The following DSTN variants were observed in gnomAD, a reference collection of about 807,000 sequenced individuals.
DSTN encodes destrin.
A neutral mutation model predicts 16.8 loss-of-function variants in DSTN; 10 were observed. That is an observed-to-expected ratio of 0.60 (90% confidence interval 0.37 to 1.01). The LOEUF is 1.01. Among genes scored for constraint, DSTN ranks in the 50% least tolerant of loss-of-function variants. The pLI, the probability that DSTN is intolerant of heterozygous loss-of-function variation, is 0.01. For missense variants in DSTN, 141 were observed against 196.7 expected (o/e 0.72, Z 1.69); for synonymous variants, 57 against 58.9 (o/e 0.97, Z 0.14).
intron 1 of DSTN, among the ~76,000 whole-genome samples, chr20:17,588,010 G>A (rs1165400032): frequency 6.6e-6 from 1 of 152,190 alleles, no homozygotes. Flanking sequence ...CACGAGACCA[G>A]TACATAATGT....
Position 17,570,181 on chromosome 20 carries a change from C to G in DSTN, c.-28C>G, listed in dbSNP as rs2035180520. On this transcript the variant is annotated 5_prime_UTR_variant, in exon 1 of 4. Transcript: ENST00000246069. ...ACTCGCTGCCCGCCGGCTCCCTCCC[C>G]CGCGTCCCTGCGACCGCCGCGGCGA... 2 of 1,519,750 alleles carry G rather than the reference C, an allele frequency of 1.3e-6. No individual in the cohort carries two copies. Among genetic ancestry groups the G allele is most frequent in the Non-Finnish European group, 1.8e-6 (2 of 1,137,542 alleles). The allele number at this position is 1,519,750 out of a possible 1,614,324, so 94.1% of individuals were successfully genotyped here.
chr20:17,600,767 A>G lies in DSTN; in HGVS notation c.33A>G (p.Val11=), dbSNP rs1201889982. 1.2e-6 allele frequency: 2 copies of G among 1,612,712 alleles called. No homozygotes were observed. The highest frequency in any genetic ancestry group is 2.7e-5 in the African/African-American group (2 of 74,944). The part of the protein sequence containing the change: MASGVQVADE[V]CRIFYDMKVR... ...CAGGAGTGCAAGTAGCTGATGAAGTATGTCGCATTTTTTATGACATGAAAG... is the reference window on the plus strand; with the variant it reads ...CAGGAGTGCAAGTAGCTGATGAAGTGTGTCGCATTTTTTATGACATGAAAG... Residue 11 remains valine, a synonymous_variant, in exon 2 of 4, where the codon GTA becomes GTG. Transcript: ENST00000246069.
Position 17,600,750 on chromosome 20 carries a change from C to G in DSTN, c.16C>G (p.Gln6Glu). Residue 6 changes from glutamine (Q) to glutamate (E), a missense_variant, in exon 2 of 4, where the codon CAA becomes GAA. Coordinates refer to ENST00000246069, the MANE Select transcript of DSTN (RefSeq NM_006870.4). ...TTTCTCATCATAGGCCTCAGGAGTG[C>G]AAGTAGCTGATGAAGTATGTCGCAT... MASGV[Q>E]VADEVCRIFY... is the part of the protein sequence containing the mutation. 6.2e-7 allele frequency: 1 copy of G among 1,609,070 alleles called. No individual in the cohort carries two copies. Among genetic ancestry groups the G allele is most frequent in the Non-Finnish European group, 8.5e-7 (1 of 1,176,812 alleles).
chr20:17,570,403 C>T (rs2035185432), intron 1 of DSTN, among the ~76,000 whole-genome samples, 192 bp downstream of exon 1: 1 of 151,660 alleles, frequency 6.6e-6, no homozygotes, highest in African/African-American at 2.4e-5. Flanking sequence ...GGCTGGGCCC[C>T]CGCGCCCCGG....
At chr20:17,595,627 A>C (rs2035518351) in intron 1 of DSTN, among the ~76,000 whole-genome samples, 1 of 152,110 alleles carries the variant, frequency 6.6e-6, no homozygotes, top group African/African-American at 2.4e-5. Context: ...CTGGAAAAAA[A>C]AAAAAAATCT....
intron 1 of DSTN, among the ~76,000 whole-genome samples, chr20:17,575,463 C>CT (rs2035268175): frequency 1.3e-5 from 2 of 150,084 alleles, no homozygotes; most frequent in African/African-American, 4.9e-5. Flanking sequence ...ATTGTGAAAG[C>CT]ATTTTTTTTT....
chr20:17,604,739 G>C (rs753880610), intron 3 of DSTN, 108 bp downstream of exon 3: 4 of 956,908 alleles, frequency 4.2e-6, no homozygotes, highest in Non-Finnish European at 6.2e-6. Context: ...TCGGGCACAA[G>C]GGAGAAGTGT....
chr20:17,574,421 G>T (rs368829044), intron 1 of DSTN, among the ~76,000 whole-genome samples: 1 of 152,146 alleles, frequency 6.6e-6, no homozygotes, highest in African/African-American at 2.4e-5. Context: ...GCCAAGGGCT[G>T]TGGAGATTAA....
chr20:17,592,028 G>T (rs78446128), intron 1 of DSTN: 37,284 of 985,378 alleles, frequency 0.038, 1,057 homozygotes, highest in East Asian at 0.13. Flanking sequence ...TTAGAAGAAG[G>T]TCAGAGCCCT....
chr20:17,577,771 T>A (rs2035295428), intron 1 of DSTN, among the ~76,000 whole-genome samples: 1 of 152,210 alleles, frequency 6.6e-6, no homozygotes, highest in Non-Finnish European at 1.5e-5. Flanking sequence ...AGTATATATT[T>A]TACACTGAAA....
intron 2 of DSTN, among the ~76,000 whole-genome samples, chr20:17,601,472 T>G (rs1466801404): frequency 6.6e-6 from 1 of 152,200 alleles, no homozygotes; most frequent in Admixed American, 6.5e-5. Context: ...TTGAAGAAAT[T>G]GGTACCATTC....
At position 17,582,802 on chromosome 20, in the gene DSTN, G is replaced by A. The variant is rs2035361161; in HGVS notation, c.3+12591G>A. ...AACTTGTGTTAGGCAATTTTTGTTG[G>A]TAGTTTTCCTGGCCTTTCTAGGCAA... On this transcript the variant is annotated intron_variant, in intron 1 of 3. Coordinates refer to ENST00000246069, the MANE Select transcript of DSTN (RefSeq NM_006870.4). Among the ~76,000 whole-genome samples, 7 of 152,244 alleles carry A rather than the reference G, an allele frequency of 4.6e-5. No individual in the cohort carries two copies. The South Asian group carries it at 1.5e-3, about 32-fold the overall frequency.
At chr20:17,590,421 G>T (rs2035457178) in intron 1 of DSTN, among the ~76,000 whole-genome samples, 1 of 152,162 alleles carries the variant, frequency 6.6e-6, no homozygotes, top group Admixed American at 6.5e-5. Context: ...GTTAAAAACT[G>T]GTAGTCAAGC....
At position 17,570,106 on chromosome 20, in the gene DSTN, C is replaced by T. The variant is rs1240883776; in HGVS notation, c.-103C>T. On this transcript the variant is annotated 5_prime_UTR_variant, in exon 1 of 4. Coordinates refer to ENST00000246069, the MANE Select transcript of DSTN (RefSeq NM_006870.4). ...GGGTAAGCTCGCGCCGCCGCGTCAG[C>T]TCAGCGCTGGGTCTCTCGGTCCCGC... 24 of 1,488,632 alleles carry T rather than the reference C, an allele frequency of 1.6e-5. No homozygotes were observed. Among genetic ancestry groups the T allele is most frequent in the Admixed American group, 2.2e-5 (1 of 46,422 alleles). The allele number at this position is 1,488,632 out of a possible 1,614,324, so 92.2% of individuals were successfully genotyped here. A position where few individuals can be genotyped will look rare whatever the true frequency, so the allele number is the denominator to read the frequency against.
At chr20:17,578,961 CAAAAAA>C (rs59600009) in intron 1 of DSTN, among the ~76,000 whole-genome samples, 5 of 81,412 alleles carry the variant, frequency 6.1e-5, no homozygotes, top group African/African-American at 2.3e-4. Context: ...AATTCCATCT[CAAAAAA>C]AAAAAAAAAA....
At position 17,573,658 on chromosome 20, in the gene DSTN, A is replaced by G. The variant is rs142263397; in HGVS notation, c.3+3447A>G. Among the ~76,000 whole-genome samples the G allele has an allele frequency of 1.3e-3, 193 of 152,256 alleles. 3 individuals carry two copies. Among genetic ancestry groups the G allele is most frequent in the African/African-American group, 4.3e-3 (180 of 41,540 alleles). On this transcript the variant is annotated intron_variant, in intron 1 of 3. Transcript: ENST00000246069. ...ATCTCATCATTAACAGCTTGTTTCT[A>G]CATTGCCTTTCACCACTTAATAAGA...
chr20:17,583,323 AG>A, intron 1 of DSTN, among the ~76,000 whole-genome samples: 1 of 46 alleles, frequency 0.022, no homozygotes, highest in East Asian at 0.25. Flanking sequence ...CGTATGACTC[AG>A]CAGTTTACTC....
chr20:17,606,094 G>A (rs1193961770), intron 3 of DSTN, among the ~76,000 whole-genome samples: 1 of 150,262 alleles, frequency 6.7e-6, no homozygotes, highest in Admixed American at 6.6e-5. Context: ...GGCAATAAGA[G>A]CAAAACTCTG....
At chr20:17,574,323 T>G in intron 1 of DSTN, among the ~76,000 whole-genome samples, 1 of 152,202 alleles carries the variant, frequency 6.6e-6, no homozygotes, top group East Asian at 1.9e-4. Context: ...AGTTCAATAC[T>G]CTCTGTTAAT....
Sources: gnomAD v4.1 joint callset for allele counts (sites outside exome capture counted in the v4.1 genomes callset) on GRCh38, gnomAD v4.1.1 for gene constraint, MANE v1.5 for transcripts, NCBI Gene and HGNC (gene_info 2026-07-23, HGNC 2026-07-21) for gene names.